ITLN1: variants seen among roughly 807,000 people sequenced by gnomAD.
The protein encoded by ITLN1 is intelectin 1.
In ITLN1, 29 loss-of-function variants were observed where a neutral mutation model predicts 36.2. That is an observed-to-expected ratio of 0.80 (90% CI 0.60 to 1.09). The LOEUF (loss-of-function observed/expected upper bound fraction) is 1.09. ITLN1 is among the 50% of genes least tolerant of loss of function. The probability of loss-of-function intolerance (pLI) is 0.00; values close to 1 mark genes in which losing one functional copy is unlikely to be tolerated. For missense variants in ITLN1, 358 were observed against 405.2 expected (o/e 0.88, Z 1.00); for synonymous variants, 143 against 146.5 (o/e 0.98, Z 0.17).
Position 160,883,443 on chromosome 1 carries a change from A to G in ITLN1, c.142T>C (p.Cys48Arg), listed in dbSNP as rs778615192. 9 of 1,612,266 alleles carry G rather than the reference A, an allele frequency of 5.6e-6. No homozygotes were observed. Among genetic ancestry groups the G allele is most frequent in the Non-Finnish European group, 7.6e-6 (9 of 1,178,406 alleles). The change falls in exon 3 of 8, where the codon TGT (cysteine) becomes CGT (arginine). Residue 48 changes from cysteine (C) to arginine (R), a missense_variant. Physicochemically the swap from Cys to Arg is radical, Grantham distance 180. Transcript: ENST00000326245. ...PRSCKEIKDE[C>R]PSAFDGLYFL... ...CATCACTCACCAAATGCACTAGGAC[A>G]TTCGTCTTTGATTTCCTTGCAGCTT...
intron 2 of ITLN1, among the ~76,000 whole-genome samples, chr1:160,883,991 T>C (rs531658659): frequency 4.6e-5 from 7 of 152,294 alleles, no homozygotes; most frequent in African/African-American, 1.7e-4. Flanking sequence ...AGCGGGGCAG[T>C]TGCCTGGGAG....
chr1:160,884,819 C>T lies in ITLN1; in HGVS notation c.58+1G>A, dbSNP rs1417001704. On this transcript the variant is annotated splice_donor_variant, in intron 2 of 7. Coordinates refer to ENST00000326245, the MANE Select transcript of ITLN1 (RefSeq NM_017625.3). LOFTEE classifies it high-confidence loss of function. ...CTGCTGTCCCTAGCAGCGTGACTCACCTGTACTCCATCCTCTGGTGGTCGC... is the reference window on the plus strand; with the variant it reads ...CTGCTGTCCCTAGCAGCGTGACTCATCTGTACTCCATCCTCTGGTGGTCGC... 1 of 1,609,050 alleles carries T rather than the reference C, an allele frequency of 6.2e-7. No homozygotes were observed. Among genetic ancestry groups the T allele is most frequent in the Non-Finnish European group, 8.5e-7 (1 of 1,175,692 alleles).
Position 160,882,103 on chromosome 1 carries a change from C to T in ITLN1, c.259G>A (p.Glu87Lys), listed in dbSNP as rs1670689448. The change falls in exon 4 of 8, where the codon GAG (glutamate) becomes AAG (lysine). Residue 87 changes from glutamate (E) to lysine (K), a missense_variant. Glu to Lys is a moderately conservative substitution (Grantham distance 56). Coordinates refer to ENST00000326245, the MANE Select transcript of ITLN1 (RefSeq NM_017625.3). ...GTGCACTTCCCACGCATGTCATTCT[C>T]GTGCACGCTGGCCACCAGGGTCCAG... ...GGWTLVASVH[E>K]NDMRGKCTVG... The T allele has an allele frequency of 6.2e-7, 1 of 1,614,180 alleles. No individual in the cohort carries two copies. Among genetic ancestry groups the T allele is most frequent in the South Asian group, 1.1e-5 (1 of 91,086 alleles).
Position 160,876,610 on chromosome 1 carries a change from T to C in ITLN1, c.*54A>G. The C allele has an allele frequency of 6.3e-7, 1 of 1,579,846 alleles. No homozygotes were observed. On this transcript the variant is annotated 3_prime_UTR_variant, in exon 8 of 8. Transcript: ENST00000326245. Reference sequence around the variant, plus strand: ...TAGCTACTGGGTAAGTTGTTCTCCATCCTTGGGATCTCATGGTTGGGAGGA... The same window carrying C: ...TAGCTACTGGGTAAGTTGTTCTCCACCCTTGGGATCTCATGGTTGGGAGGA...
At position 160,883,425 on chromosome 1, in the gene ITLN1, C is replaced by CA; in HGVS notation, c.157+2dup. ...AGCTCTGTTTGAATGTTTCATCACT[C>CA]ACCAAATGCACTAGGACATTCGTCT... On this transcript the variant is annotated splice_region_variant and intron_variant, in intron 3 of 7. Transcript: ENST00000326245. 6.2e-7 allele frequency: 1 copy of CA among 1,603,980 alleles called. No homozygotes were observed. The highest frequency in any genetic ancestry group is 8.5e-7 in the Non-Finnish European group (1 of 1,170,906).
chr1:160,878,175 A>G (rs1235459555), intron 7 of ITLN1, among the ~76,000 whole-genome samples: 15 of 152,092 alleles, frequency 9.9e-5, no homozygotes, highest in Non-Finnish European at 2.9e-5. Context: ...TCTCAAAAAA[A>G]AAAAGTGTGT....
Position 160,883,467 on chromosome 1 carries a change from T to C in ITLN1, c.118A>G (p.Ser40Gly). The C allele has an allele frequency of 6.2e-7, 1 of 1,613,862 alleles. No individual in the cohort carries two copies. Among genetic ancestry groups the C allele is most frequent in the Non-Finnish European group, 8.5e-7 (1 of 1,179,758 alleles). Residue 40 changes from serine to glycine, a missense_variant, in exon 3 of 8, where the codon AGC (serine) becomes GGC (glycine). Physicochemically the swap from Ser to Gly is moderately conservative, Grantham distance 56. Transcript: ENST00000326245. ...TCSSSPSLPR[S>G]CKEIKDECPS... The stretch of plus-strand genomic sequence containing the variant: ...CATTCGTCTTTGATTTCCTTGCAGC[T>C]TCTGGGCAGAGATGGAGACGAAGAA...
At chr1:160,877,062 A>C (rs1670599993) in intron 7 of ITLN1, among the ~76,000 whole-genome samples, 2 of 152,166 alleles carry the variant, frequency 1.3e-5, no homozygotes, top group Admixed American at 1.3e-4. Flanking sequence ...ACATGGTGAA[A>C]CCACATCTCT....
At chr1:160,878,601 G>C in intron 7 of ITLN1, among the ~76,000 whole-genome samples, 1 of 151,976 alleles carries the variant, frequency 6.6e-6, no homozygotes, top group East Asian at 1.9e-4. Flanking sequence ...TCCCAGGCTG[G>C]TCTCAAACTC....
chr1:160,883,604 A>C, intron 2 of ITLN1, 78 bp from the exon 3 acceptor site: 15 of 995,322 alleles, frequency 1.5e-5, no homozygotes, highest in African/African-American at 3.2e-5. Context: ...TCCCACGCTC[A>C]TTCCACCACT....
intron 6 of ITLN1, 81 bp downstream of exon 6, chr1:160,880,507 G>A (rs1036098068): frequency 1.4e-6 from 2 of 1,436,148 alleles, no homozygotes; most frequent in African/African-American, 2.8e-5. Context: ...CCAAGCTTCA[G>A]TCCGATGCAT....
Position 160,881,284 on chromosome 1 carries a change from T to C in ITLN1, c.434A>G (p.Lys145Arg). 6.2e-7 allele frequency: 1 copy of C among 1,606,792 alleles called. No homozygotes were observed. Among genetic ancestry groups the C allele is most frequent in the African/African-American group, 1.3e-5 (1 of 74,796 alleles). Residue 145 changes from lysine to arginine, a missense_variant, in exon 5 of 8, where the codon AAG becomes AGG. Transcript: ENST00000326245. ...GGGCACGTGCCAGATGCCCAGGTCC[T>C]TGGCCTGGATGTCGTAGTAGCCAGG... ...KNPGYYDIQA[K>R]DLGIWHVPNK...
intron 2 of ITLN1, 119 bp downstream of exon 2, chr1:160,884,700 TC>T: frequency 1.5e-6 from 1 of 675,272 alleles, no homozygotes; most frequent in Non-Finnish European, 2.7e-6. Context: ...AAATCGGCAC[TC>T]AGTCTACATG....
intron 7 of ITLN1, among the ~76,000 whole-genome samples, chr1:160,878,475 T>G (rs1670627353): frequency 6.6e-6 from 1 of 150,796 alleles, no homozygotes; most frequent in African/African-American, 2.4e-5. Flanking sequence ...AACCTCCACC[T>G]CCCAGGCTTA....
Position 160,876,673 on chromosome 1 carries a change from G to A in ITLN1, c.933C>T (p.Phe311=). 6.2e-7 allele frequency: 1 copy of A among 1,614,216 alleles called. No individual in the cohort carries two copies. Among genetic ancestry groups the A allele is most frequent in the Non-Finnish European group, 8.5e-7 (1 of 1,180,028 alleles). The part of the protein sequence containing the change: ...REITEAAVLL[F]YR ...CCCTCCCACAAAACTCTCAACGATAGAATAGAAGCACAGCTGCCTCAGTTA... is the reference window on the plus strand; with the variant it reads ...CCCTCCCACAAAACTCTCAACGATAAAATAGAAGCACAGCTGCCTCAGTTA... The change falls in exon 8 of 8, where the codon TTC becomes TTT. Residue 311 remains phenylalanine, a synonymous_variant. Coordinates refer to ENST00000326245, the MANE Select transcript of ITLN1 (RefSeq NM_017625.3).
intron 5 of ITLN1, 107 bp from the exon 6 acceptor site, chr1:160,880,815 A>T (rs1571141938): frequency 1.6e-6 from 2 of 1,280,144 alleles, no homozygotes; most frequent in Non-Finnish European, 2.2e-6. Flanking sequence ...CTTTCTCAGT[A>T]ACTGAGATTA....
intron 3 of ITLN1, among the ~76,000 whole-genome samples, chr1:160,883,157 C>T (rs191058007): frequency 5.3e-5 from 8 of 152,226 alleles, no homozygotes; most frequent in Non-Finnish European, 1.0e-4. Context: ...CCTGAGCCAC[C>T]GCACCCGGCC....
rs745966521 is a variant in ITLN1 at position 160,884,827 on chromosome 1, C to T, written c.51G>A (p.Trp17Ter). 1 of 1,611,640 alleles carries T rather than the reference C, an allele frequency of 6.2e-7. No individual in the cohort carries two copies. The highest frequency in any genetic ancestry group is 1.7e-5 in the Admixed American group (1 of 59,972). ...LLFLIATTRG[W>*]STDEANTYFK... ...CCTAGCAGCGTGACTCACCTGTACT[C>T]CATCCTCTGGTGGTCGCTATGAGAA... The change falls in exon 2 of 8, where the codon TGG becomes TGA. Residue 17 changes from tryptophan (W) to a stop codon, truncating the protein, a stop_gained. Transcript: ENST00000326245. LOFTEE classifies it high-confidence loss of function.
At chr1:160,881,611 C>T (rs527315620) in intron 4 of ITLN1, 102 of 480,786 alleles carry the variant, frequency 2.1e-4, no homozygotes, top group African/African-American at 1.7e-3. Flanking sequence ...GAGTTCGAGA[C>T]GAGCCTGGCC....
Sources: allele counts gnomAD v4.1 joint callset (sites outside exome capture counted in the v4.1 genomes callset), GRCh38; gene constraint gnomAD v4.1.1; transcripts MANE v1.5; gene names NCBI Gene and HGNC (gene_info 2026-07-23, HGNC 2026-07-21).